Variants in KIF26B observed in about 807,000 individuals in gnomAD.
KIF26B encodes kinesin family member 26B, also known as kinesin-like protein KIF26B.
KIF26B carries 63 observed loss-of-function variants against 151.2 expected under a neutral mutation model. That is an observed-to-expected ratio of 0.42 (90% CI 0.34 to 0.51). The LOEUF is 0.51. Ranked by LOEUF, KIF26B falls within the 20% of genes least tolerant of loss-of-function variation. KIF26B has a pLI of 0.07. For missense variants in KIF26B, 2,813 were observed against 2,913.6 expected, an observed-to-expected ratio of 0.97 and a Z score of 0.79; for synonymous variants, 1,357 against 1,262.1, an observed-to-expected ratio of 1.08 and a Z score of -1.59.
At chr1:245,501,491 TAAG>T (rs988695006) in intron 4 of KIF26B, among the ~76,000 whole-genome samples, 2 of 152,208 alleles carry the variant, frequency 1.3e-5, no homozygotes, top group Non-Finnish European at 2.9e-5. Flanking sequence ...CATCTGTTCT[TAAG>T]AAGCCAGTGG....
chr1:245,685,499 T>C lies in KIF26B; in HGVS notation c.2516T>C (p.Val839Ala). Reference sequence around the variant, plus strand: ...AGACCCTTCCACACCAGGGCCACGGTGGACCCTGACTTCCCCATCGCTCAC... The same window carrying C: ...AGACCCTTCCACACCAGGGCCACGGCGGACCCTGACTTCCCCATCGCTCAC... ...QLRPFHTRAT[V>A]DPDFPIAHLS... Residue 839 changes from valine (V) to alanine (A), a missense_variant, in exon 12 of 15, where the codon GTG (valine) becomes GCG (alanine). Physicochemically the swap from Val to Ala is moderately conservative, Grantham distance 64. Coordinates refer to ENST00000407071, the MANE Select transcript of KIF26B (RefSeq NM_018012.4). 6.2e-7 allele frequency: 1 copy of C among 1,613,642 alleles called. No individual in the cohort carries two copies. The highest frequency in any genetic ancestry group is 8.5e-7 in the Non-Finnish European group (1 of 1,179,764).
chr1:245,277,651 A>G (rs1670963108), intron 2 of KIF26B, among the ~76,000 whole-genome samples: 3 of 152,178 alleles, frequency 2.0e-5, no homozygotes, highest in South Asian at 2.1e-4. Context: ...TTAAAAAAAA[A>G]GTAAAAGAAA....
At chr1:245,546,406 G>A (rs1661742866) in intron 5 of KIF26B, among the ~76,000 whole-genome samples, 1 of 152,136 alleles carries the variant, frequency 6.6e-6, no homozygotes, top group Admixed American at 6.5e-5. Flanking sequence ...AGTAGAAACA[G>A]TGGGGATAGC....
At chr1:245,185,369 C>A in intron 2 of KIF26B, among the ~76,000 whole-genome samples, 1 of 152,086 alleles carries the variant, frequency 6.6e-6, no homozygotes, top group Admixed American at 6.6e-5. Flanking sequence ...GAACTCCTGA[C>A]CTCAGGTAAT....
intron 4 of KIF26B, among the ~76,000 whole-genome samples, chr1:245,439,139 G>A (rs191431): frequency 6.6e-6 from 1 of 152,058 alleles, no homozygotes; most frequent in African/African-American, 2.4e-5. Context: ...CTTGGGTCCA[G>A]GAGTTTGAGA....
At chr1:245,600,267 T>C (rs57935542) in intron 5 of KIF26B, among the ~76,000 whole-genome samples, 10 of 132,832 alleles carry the variant, frequency 7.5e-5, no homozygotes, top group African/African-American at 5.5e-5. Context: ...CTCTATCTCC[T>C]GACCTTGTGA....
Position 245,688,466 on chromosome 1 carries a change from A to T in KIF26B, c.5483A>T (p.Glu1828Val). 1 of 1,376,242 alleles carries T rather than the reference A, an allele frequency of 7.3e-7. No individual in the cohort carries two copies. The highest frequency in any genetic ancestry group is 9.3e-7 in the Non-Finnish European group (1 of 1,076,310). The allele number at this position is 1,376,242 out of a possible 1,614,324, so 85.3% of individuals were successfully genotyped here. The stretch of plus-strand genomic sequence containing the variant: ...GGCTTGCAGCTGCGGGCCGGGCCCG[A>T]GGCGGAGGCGCGCGGGGGGGCCCTG... ...ARGLQLRAGPEAEARGGALAE... is the reference protein window; with the variant it reads ...ARGLQLRAGPVAEARGGALAE... Residue 1828 changes from glutamate (E) to valine (V), a missense_variant, in exon 12 of 15, where the codon GAG becomes GTG. By Grantham distance (121) the Glu-to-Val change is moderately radical. Transcript: ENST00000407071.
chr1:245,365,513 T>TCCCCCCCCCCCCCCCC (rs528122828), intron 2 of KIF26B, among the ~76,000 whole-genome samples: 1 of 137,242 alleles, frequency 7.3e-6, no homozygotes, highest in African/African-American at 3.1e-5. Flanking sequence ...GCCTCACAAC[T>TCCCCCCCCCCCCCCCC]CCCCCCCACC....
chr1:245,490,381 G>T (rs1342733114), intron 4 of KIF26B, among the ~76,000 whole-genome samples: 2 of 143,516 alleles, frequency 1.4e-5, no homozygotes, highest in Non-Finnish European at 3.0e-5. Context: ...GCGCGATCTC[G>T]GCTCACTGCA....
At chr1:245,157,150 A>C (rs1668452508) in intron 2 of KIF26B, among the ~76,000 whole-genome samples, 1 of 152,208 alleles carries the variant, frequency 6.6e-6, no homozygotes, top group South Asian at 2.1e-4. Context: ...GCAGAAACAG[A>C]AACATACTCG....
intron 4 of KIF26B, among the ~76,000 whole-genome samples, chr1:245,526,724 G>A (rs1395868925): frequency 1.3e-5 from 2 of 152,186 alleles, no homozygotes; most frequent in Admixed American, 6.5e-5. Context: ...GGCTTTACTC[G>A]CTCTGCGAAG....
chr1:245,266,459 T>G (rs1670747857), intron 2 of KIF26B, among the ~76,000 whole-genome samples: 1 of 151,994 alleles, frequency 6.6e-6, no homozygotes, highest in Non-Finnish European at 1.5e-5. Context: ...AGCTTTGGAG[T>G]CAGTCCAGGA....
chr1:245,557,735 G>T (rs1662073127), intron 5 of KIF26B, among the ~76,000 whole-genome samples: 1 of 152,172 alleles, frequency 6.6e-6, no homozygotes, highest in African/African-American at 2.4e-5. Context: ...CTCCAGCTAG[G>T]ATTTAAACCT....
rs151296901 is a variant in KIF26B at position 245,244,096 on chromosome 1, A to C, written c.465+87413A>C. On this transcript the variant is annotated intron_variant, in intron 2 of 14. Coordinates refer to ENST00000407071, the MANE Select transcript of KIF26B (RefSeq NM_018012.4). The surrounding 1 kb of genome is among the most constrained non-coding windows in gnomAD (Gnocchi z 4.2). The stretch of plus-strand genomic sequence containing the variant: ...TGAGTAGCTAGGACTACAGGCATGC[A>C]CCATCATGCCTGGCTAATTTTTATT... Among the ~76,000 whole-genome samples, 75 of 152,054 alleles carry C rather than the reference A, an allele frequency of 4.9e-4. No homozygotes were observed. Among genetic ancestry groups the C allele is most frequent in the African/African-American group, 1.8e-3 (73 of 41,468 alleles).
intron 9 of KIF26B, 125 bp from the exon 10 acceptor site, chr1:245,645,996 C>A (rs2043941423): frequency 2.0e-6 from 2 of 999,598 alleles, no homozygotes; most frequent in African/African-American, 1.6e-5. Flanking sequence ...CCTAGTAGGT[C>A]ATGAACGTCA....
intron 9 of KIF26B, among the ~76,000 whole-genome samples, chr1:245,622,391 G>A (rs1484364504): frequency 6.6e-6 from 1 of 152,168 alleles, no homozygotes; most frequent in Non-Finnish European, 1.5e-5. Context: ...ATAGGAAGGG[G>A]TGGAGGCAGA....
At position 245,611,749 on chromosome 1, in the gene KIF26B, C is replaced by A. The variant is rs1431721632; in HGVS notation, c.1915-44C>A. ...ACACCCAGGCATGAGTGACAGCAAG[C>A]CCTCCTCAGCCTGCAGCCTCATCTC... On this transcript the variant is annotated intron_variant, in intron 8 of 14. Transcript: ENST00000407071. The A allele has an allele frequency of 1.3e-6, 2 of 1,583,268 alleles. 1 individual carries two copies. Among genetic ancestry groups the A allele is most frequent in the South Asian group, 2.3e-5 (2 of 86,110 alleles).
At position 245,316,375 on chromosome 1, in the gene KIF26B, C is replaced by T. The variant is rs566154355; in HGVS notation, c.466-50459C>T. On this transcript the variant is annotated intron_variant, in intron 2 of 14. Coordinates refer to ENST00000407071, the MANE Select transcript of KIF26B (RefSeq NM_018012.4). The stretch of plus-strand genomic sequence containing the variant: ...CTGACCCCAGGTGATCCGCCTGCCT[C>T]GGTCTCCCAAAGTTCTGGGATTACA... Among the ~76,000 whole-genome samples the T allele has an allele frequency of 9.2e-5, 14 of 152,150 alleles. No homozygotes were observed. The East Asian group carries it at 1.2e-3, about 13-fold the overall frequency.
At chr1:245,443,432 T>A (rs1204445108) in intron 4 of KIF26B, among the ~76,000 whole-genome samples, 4 of 76,572 alleles carry the variant, frequency 5.2e-5, no homozygotes, top group African/African-American at 1.9e-4. Context: ...CTGTTCACCC[T>A]GCGGTCATCT....
Sources: gnomAD v4.1 joint callset for allele counts (sites outside exome capture counted in the v4.1 genomes callset) on GRCh38, gnomAD v4.1.1 for gene constraint, Gnocchi (gnomAD v3.1) non-coding constraint, MANE v1.5 for transcripts, NCBI Gene and HGNC (gene_info 2026-07-23, HGNC 2026-07-21) for gene names.